The following CCDC171 variants were observed in gnomAD, a reference collection of about 807,000 sequenced individuals.
CCDC171 encodes coiled-coil domain-containing protein 171.
In CCDC171, 177 loss-of-function variants were observed where a neutral mutation model predicts 168.2. The ratio of observed to expected loss-of-function variants is 1.05; its 90% CI spans 0.93 to 1.19. The LOEUF is 1.19. Among genes scored for constraint, CCDC171 ranks in the 50% most tolerant of loss-of-function variants. CCDC171 has a pLI of 0.00. For missense variants in CCDC171, 1,991 were observed against 1,539.0 expected (o/e 1.29, Z -4.91); for synonymous variants, 687 against 540.8 (o/e 1.27, Z -3.75).
At chr9:15,731,887 A>G (rs372937566) in intron 16 of CCDC171, among the ~76,000 whole-genome samples, 10 of 152,136 alleles carry the variant, frequency 6.6e-5, no homozygotes, top group African/African-American at 2.2e-4. Context: ...TTTAGTCATT[A>G]TAGTGGTTTT....
At chr9:15,587,775 A>G (rs577454179) in intron 4 of CCDC171, 45 of 356,284 alleles carry the variant, frequency 1.3e-4, no homozygotes, top group South Asian at 9.4e-4. Flanking sequence ...GTTACCAGAT[A>G]TATGAGGAAA....
chr9:15,633,221 C>T (rs931233142), intron 7 of CCDC171, among the ~76,000 whole-genome samples: 1 of 152,176 alleles, frequency 6.6e-6, no homozygotes, highest in Non-Finnish European at 1.5e-5. Flanking sequence ...AAACTACCGT[C>T]AGAGTGAACA....
intron 3 of CCDC171, among the ~76,000 whole-genome samples, chr9:15,577,055 C>T (rs2040727674): frequency 1.3e-5 from 2 of 152,148 alleles, no homozygotes; most frequent in South Asian, 4.1e-4. Context: ...TCTGAAAGTC[C>T]TCATCCTATG....
At chr9:16,031,120 A>G (rs1186446214) in intron 6 of CCDC171, among the ~76,000 whole-genome samples, 2 of 152,136 alleles carry the variant, frequency 1.3e-5, no homozygotes, top group East Asian at 3.9e-4. Context: ...TCTTTCTTGA[A>G]TGCTGGTTGG....
At chr9:15,903,093 C>A (rs961060520) in intron 24 of CCDC171, among the ~76,000 whole-genome samples, 16 of 152,226 alleles carry the variant, frequency 1.1e-4, no homozygotes, top group African/African-American at 2.4e-4. Flanking sequence ...TCTGTAGACT[C>A]CACCTCTGGG....
chr9:15,904,333 A>C (rs904487253), intron 24 of CCDC171, among the ~76,000 whole-genome samples: 1 of 152,228 alleles, frequency 6.6e-6, no homozygotes, highest in Non-Finnish European at 1.5e-5. Context: ...ATCTCTCGGC[A>C]GAAACTCTAC....
chr9:16,020,618 A>C (rs1456985792), exon 4 of CCDC171: 1 of 154,342 alleles, frequency 6.5e-6, no homozygotes, highest in African/African-American at 2.4e-5. Flanking sequence ...TGGAGCTATG[A>C]TTGAGTAAAA....
At chr9:15,801,466 G>A (rs549825498) in intron 21 of CCDC171, among the ~76,000 whole-genome samples, 2 of 152,050 alleles carry the variant, frequency 1.3e-5, no homozygotes, top group East Asian at 1.9e-4. Flanking sequence ...TGCTGATTTT[G>A]TATCCTGCAG....
intron 18 of CCDC171, among the ~76,000 whole-genome samples, chr9:15,756,674 G>A (rs930175454): frequency 6.6e-6 from 1 of 152,166 alleles, no homozygotes; most frequent in Non-Finnish European, 1.5e-5. Flanking sequence ...TTAGGATAAT[G>A]GCTAATAATG....
intron 13 of CCDC171, among the ~76,000 whole-genome samples, chr9:15,724,511 C>T (rs1046945034): frequency 6.6e-6 from 1 of 152,040 alleles, no homozygotes; most frequent in Admixed American, 6.5e-5. Context: ...AGGAAACTCC[C>T]TTGGAAGAAC....
chr9:15,641,724 T>G (rs2046619784), intron 7 of CCDC171, among the ~76,000 whole-genome samples: 1 of 152,164 alleles, frequency 6.6e-6, no homozygotes, highest in South Asian at 2.1e-4. Flanking sequence ...TATGATTTAG[T>G]GAGATATAAA....
chr9:16,053,095 A>G (rs1833778114), intron 1 of CCDC171, among the ~76,000 whole-genome samples: 1 of 152,236 alleles, frequency 6.6e-6, no homozygotes, highest in East Asian at 1.9e-4. Flanking sequence ...TCAGAATTGT[A>G]GCTGGACAAA....
At chr9:16,102,991 G>A in the CCDC171 span, among the ~76,000 whole-genome samples, 1 of 152,152 alleles carries the variant, frequency 6.6e-6, no homozygotes, top group Non-Finnish European at 1.5e-5. Context: ...TTCGGATTGA[G>A]CAGGCAGAAA....
At chr9:16,095,866 G>GCA in the CCDC171 span, among the ~76,000 whole-genome samples, 773 of 35,302 alleles carry the variant, frequency 0.022, 10 homozygotes, top group Non-Finnish European at 0.027. Context: ...ACACACATAG[G>GCA]CACATATATA....
At chr9:15,942,708 T>C (rs1827868195) in intron 25 of CCDC171, among the ~76,000 whole-genome samples, 1 of 151,866 alleles carries the variant, frequency 6.6e-6, no homozygotes, top group Non-Finnish European at 1.5e-5. Flanking sequence ...TTTTTGAGTT[T>C]AGTAGGAATC....
chr9:15,585,611 A>G (rs2041494896), intron 4 of CCDC171, among the ~76,000 whole-genome samples: 1 of 152,188 alleles, frequency 6.6e-6, no homozygotes, highest in South Asian at 2.1e-4. Context: ...ACTGGGAAAG[A>G]GTATGAGGGT....
chr9:15,579,884 G>A (rs143188585), intron 4 of CCDC171, among the ~76,000 whole-genome samples: 51 of 152,176 alleles, frequency 3.4e-4, no homozygotes, highest in African/African-American at 1.1e-3. Flanking sequence ...TTTGAGTAGT[G>A]TCCAATTTTT....
intron 24 of CCDC171, among the ~76,000 whole-genome samples, chr9:15,916,365 T>G (rs1343865006): frequency 1.3e-5 from 2 of 151,578 alleles, no homozygotes; most frequent in African/African-American, 2.4e-5. Flanking sequence ...TGTATTACAT[T>G]TCACATATTT....
chr9:15,729,560 A>G, intron 15 of CCDC171, 50 bp from the exon 16 acceptor site: 1 of 1,250,636 alleles, frequency 8.0e-7, no homozygotes, highest in Non-Finnish European at 1.1e-6. Context: ...GATGACACAA[A>G]GAAATAGCTT....
Sources: allele counts gnomAD v4.1 joint callset (sites outside exome capture counted in the v4.1 genomes callset), GRCh38; gene constraint gnomAD v4.1.1; transcripts MANE v1.5; gene names NCBI Gene and HGNC (gene_info 2026-07-23, HGNC 2026-07-21).